ENTPD1: variants seen among roughly 807,000 people sequenced by gnomAD.
ENTPD1 encodes ATP diphosphohydrolase.
A neutral mutation model predicts 57.0 loss-of-function variants in ENTPD1; 33 were observed. The ratio of observed to expected loss-of-function variants is 0.58; its 90% confidence interval spans 0.44 to 0.77. The LOEUF (loss-of-function observed/expected upper bound fraction) is 0.77, where lower values mean the gene tolerates loss of function less well. ENTPD1 is among the 30% of genes least tolerant of loss of function. The pLI is 0.00. For missense variants in ENTPD1, 501 were observed against 603.4 expected (o/e 0.83, Z 1.78); for synonymous variants, 202 against 218.8 (o/e 0.92, Z 0.68).
intron 1 of ENTPD1, among the ~76,000 whole-genome samples, chr10:95,738,060 A>G (rs2097996516): frequency 6.6e-6 from 1 of 152,154 alleles, no homozygotes; most frequent in Non-Finnish European, 1.5e-5. Flanking sequence ...GAAGGGAGGG[A>G]AGATGAAGGA....
intron 7 of ENTPD1, among the ~76,000 whole-genome samples, chr10:95,856,138 C>CT (rs1420057139): frequency 2.6e-5 from 4 of 152,100 alleles, no homozygotes; most frequent in African/African-American, 7.2e-5. Context: ...GTCCGTTTCT[C>CT]TTTATTCTTT....
chr10:95,861,028 T>TC (rs1027959528), intron 8 of ENTPD1, among the ~76,000 whole-genome samples: 4 of 152,192 alleles, frequency 2.6e-5, no homozygotes, highest in African/African-American at 9.6e-5. Context: ...TCAGCAGTCT[T>TC]CCCCTTATAT....
chr10:95,865,491 A>C (rs1227382504), intron 9 of ENTPD1, among the ~76,000 whole-genome samples: 2 of 152,210 alleles, frequency 1.3e-5, no homozygotes, highest in African/African-American at 4.8e-5. Context: ...TACCTTTTTA[A>C]GCCCATGCTC....
chr10:95,827,961 T>C (rs927993335), intron 2 of ENTPD1, among the ~76,000 whole-genome samples: 1 of 152,164 alleles, frequency 6.6e-6, no homozygotes, highest in African/African-American at 2.4e-5. Flanking sequence ...ATGGCATTGA[T>C]TGACTGAAGC....
chr10:95,785,442 C>T (rs193194285), intron 1 of ENTPD1, among the ~76,000 whole-genome samples: 172 of 152,326 alleles, frequency 1.1e-3, no homozygotes, highest in Admixed American at 1.8e-3. Flanking sequence ...TGAGATAATG[C>T]AAGTCCAGCC....
chr10:95,793,171 T>G (rs976425138), intron 1 of ENTPD1, among the ~76,000 whole-genome samples: 1 of 152,208 alleles, frequency 6.6e-6, no homozygotes, highest in African/African-American at 2.4e-5. Flanking sequence ...CCAAAGAATT[T>G]CATTAAACTG....
intron 1 of ENTPD1, among the ~76,000 whole-genome samples, chr10:95,725,499 TTGTC>T (rs1280804794): frequency 2.6e-5 from 4 of 152,214 alleles, no homozygotes; most frequent in African/African-American, 9.6e-5. Flanking sequence ...TTCTAGCAAT[TTGTC>T]TGGGATTAAA....
upstream of ENTPD1, among the ~76,000 whole-genome samples, chr10:95,751,778 C>T (rs1444887488): frequency 1.3e-5 from 2 of 150,364 alleles, no homozygotes; most frequent in African/African-American, 4.9e-5. Flanking sequence ...AGTAAAGATA[C>T]AGAGTACAGT....
intron 1 of ENTPD1, among the ~76,000 whole-genome samples, chr10:95,736,612 G>A (rs913067597): frequency 5.9e-5 from 9 of 151,890 alleles, no homozygotes; most frequent in Non-Finnish European, 1.2e-4. Flanking sequence ...ATGGTTGCAC[G>A]CACACCCCTT....
At chr10:95,773,553 T>G (rs964895764) in intron 1 of ENTPD1, among the ~76,000 whole-genome samples, 9 of 152,154 alleles carry the variant, frequency 5.9e-5, no homozygotes, top group African/African-American at 2.2e-4. Flanking sequence ...ACATAATTCT[T>G]AAAGGCCCTA....
At chr10:95,770,949 A>G (rs990344102) in intron 1 of ENTPD1, among the ~76,000 whole-genome samples, 1 of 152,188 alleles carries the variant, frequency 6.6e-6, no homozygotes, top group Admixed American at 6.5e-5. Context: ...TTTAAAATAT[A>G]TAAAGAATAA....
At chr10:95,841,309 C>T (rs1472972599) in intron 3 of ENTPD1, among the ~76,000 whole-genome samples, 1 of 152,094 alleles carries the variant, frequency 6.6e-6, no homozygotes, top group East Asian at 1.9e-4. Flanking sequence ...ATCACTTGAA[C>T]CCGGGAGGCG....
chr10:95,745,657 T>C (rs558012278), intron 1 of ENTPD1, among the ~76,000 whole-genome samples: 2 of 152,308 alleles, frequency 1.3e-5, no homozygotes, highest in Admixed American at 1.3e-4. Context: ...GAAGTAGTTA[T>C]AGCTAAAAAA....
upstream of ENTPD1, chr10:95,755,610 A>T: frequency 7.5e-7 from 1 of 1,332,370 alleles, no homozygotes; most frequent in Non-Finnish European, 1.0e-6. Flanking sequence ...CCTTCCAACC[A>T]ATAACGCAGC....
At chr10:95,714,339 CATAA>C (rs749037142) in intron 1 of ENTPD1, among the ~76,000 whole-genome samples, 95 of 152,050 alleles carry the variant, frequency 6.2e-4, no homozygotes, top group African/African-American at 1.9e-3. Context: ...ATAAAATTTA[CATAA>C]ATAAATAAAT....
rs2098249968 is a variant in ENTPD1 at position 95,801,616 on chromosome 10, G to C, written c.17-21621G>C. Among the ~76,000 whole-genome samples the C allele has an allele frequency of 3.3e-5, 5 of 151,682 alleles. No homozygotes were observed. The South Asian group carries it at 1.0e-3, about 32-fold the overall frequency. Reference sequence around the variant, plus strand: ...AGATTTGCTTTTGTTGCCCAGGCTGGAGTGCAATGGCGTGATCTCTGCTTA... The same window carrying C: ...AGATTTGCTTTTGTTGCCCAGGCTGCAGTGCAATGGCGTGATCTCTGCTTA... On this transcript the variant is annotated intron_variant, in intron 1 of 9. Coordinates refer to ENST00000371205, the MANE Select transcript of ENTPD1 (RefSeq NM_001776.6).
In ENTPD1 at chr10:95,873,322, T is replaced by C; in HGVS notation, c.*6939T>C. ...TGGTATTTACAAAGCTCACTCCTCTTATACAACAATCCAAGTGTTTCTTTT... is the reference window on the plus strand; with the variant it reads ...TGGTATTTACAAAGCTCACTCCTCTCATACAACAATCCAAGTGTTTCTTTT... On this transcript the variant is annotated 3_prime_UTR_variant, in exon 10 of 10. Coordinates refer to ENST00000371205, the MANE Select transcript of ENTPD1 (RefSeq NM_001776.6). 1.0e-6 allele frequency: 1 copy of C among 985,510 alleles called. No individual in the cohort carries two copies. The highest frequency in any genetic ancestry group is 1.2e-6 in the Non-Finnish European group (1 of 829,968). The allele number at this position is 985,510 out of a possible 1,614,324, so 61.0% of individuals were successfully genotyped here.
intron 1 of ENTPD1, among the ~76,000 whole-genome samples, chr10:95,768,865 T>C (rs2098102375): frequency 6.6e-6 from 1 of 152,204 alleles, no homozygotes; most frequent in South Asian, 2.1e-4. Flanking sequence ...AGATTCCTTT[T>C]GTATGTATGT....
In ENTPD1 at chr10:95,875,839, A is replaced by G. The variant is rs1185002532; in HGVS notation, c.*9456A>G. 7.8e-6 allele frequency: 2 copies of G among 257,344 alleles called. No individual in the cohort carries two copies. The highest frequency in any genetic ancestry group is 4.6e-5 in the African/African-American group (2 of 43,482). 15.9% of individuals were successfully genotyped at this position (257,344 alleles called of 1,614,324 possible). ...CCATCAGATCTCGTGAGACTTATTC[A>G]CTATCACAAGAATAGCATGGGAAAG... On this transcript the variant is annotated 3_prime_UTR_variant, in exon 10 of 10. Coordinates refer to ENST00000371205, the MANE Select transcript of ENTPD1 (RefSeq NM_001776.6).
Sources: gnomAD v4.1 joint callset for allele counts (sites outside exome capture counted in the v4.1 genomes callset) on GRCh38, gnomAD v4.1.1 for gene constraint, MANE v1.5 for transcripts, NCBI Gene and HGNC (gene_info 2026-07-23, HGNC 2026-07-21) for gene names.